ERCC6: variants seen among roughly 807,000 people sequenced by gnomAD.
The protein encoded by ERCC6 is ERCC excision repair 6, chromatin remodeling factor, also known as DNA excision repair protein ERCC-6.
ERCC6 carries 116 observed loss-of-function variants against 158.7 expected under a neutral mutation model. That is an observed-to-expected ratio of 0.73 (90% CI 0.63 to 0.85). The LOEUF is 0.85. Among genes scored for constraint, ERCC6 ranks in the 40% least tolerant of loss-of-function variants. ERCC6 has a pLI of 0.00. For missense variants in ERCC6, 1,698 were observed against 1,799.4 expected (o/e 0.94, Z 1.02); for synonymous variants, 678 against 659.3 (o/e 1.03, Z -0.43).
At chr10:49,531,078 T>C (rs1041035458) in intron 2 of ERCC6, among the ~76,000 whole-genome samples, 1 of 152,220 alleles carries the variant, frequency 6.6e-6, no homozygotes, top group Admixed American at 6.5e-5. Context: ...TCATTCCCAT[T>C]TGTAAGCTGC....
intron 18 of ERCC6, among the ~76,000 whole-genome samples, chr10:49,469,247 G>A (rs748127078): frequency 6.6e-6 from 1 of 152,146 alleles, no homozygotes; most frequent in Non-Finnish European, 1.5e-5. Flanking sequence ...CCTTAGCATT[G>A]AGAAACCTGG....
At chr10:49,453,484 A>G (rs879615884), downstream of ERCC6, among the ~76,000 whole-genome samples, 1 of 152,196 alleles carries the variant, frequency 6.6e-6, no homozygotes, top group African/African-American at 2.4e-5. Context: ...TGTTACATAT[A>G]TGACATTTCT....
chr10:49,531,068 T>C (rs1215089116), intron 2 of ERCC6, among the ~76,000 whole-genome samples: 1 of 152,200 alleles, frequency 6.6e-6, no homozygotes, highest in African/African-American at 2.4e-5. Context: ...TTAGATCAGC[T>C]CATTCCCATT....
intron 4 of ERCC6, among the ~76,000 whole-genome samples, chr10:49,527,603 A>G (rs1480015702): frequency 6.6e-6 from 1 of 152,192 alleles, no homozygotes; most frequent in Non-Finnish European, 1.5e-5. Context: ...TGAACCCGGG[A>G]GGCAGAGGTT....
intron 18 of ERCC6, among the ~76,000 whole-genome samples, chr10:49,462,672 A>G (rs955177039): frequency 6.6e-6 from 1 of 152,206 alleles, no homozygotes; most frequent in Non-Finnish European, 1.5e-5. Flanking sequence ...AAAAGACATG[A>G]ACAGACAAGT....
At chr10:49,461,952 T>A (rs763065346) in intron 18 of ERCC6, among the ~76,000 whole-genome samples, 2 of 152,178 alleles carry the variant, frequency 1.3e-5, no homozygotes, top group African/African-American at 4.8e-5. Flanking sequence ...TGCATTTGAG[T>A]AGAATGACTC....
At chr10:49,507,509 G>A (rs925871166) in intron 5 of ERCC6, among the ~76,000 whole-genome samples, 39 of 151,906 alleles carry the variant, frequency 2.6e-4, no homozygotes, top group Non-Finnish European at 2.1e-4. Flanking sequence ...CTTCTCCACT[G>A]GTATTTTTTT....
chr10:49,470,071 T>C (rs1850745060), intron 18 of ERCC6, 111 bp downstream of exon 18: 1 of 954,682 alleles, frequency 1.0e-6, no homozygotes, highest in African/African-American at 1.6e-5. Flanking sequence ...AGAAAAACAC[T>C]AATGGCTGAC....
At position 49,539,106 on chromosome 10, in the gene ERCC6, C is replaced by G. The variant is rs1385277048; in HGVS notation, c.-159G>C. On this transcript the variant is annotated 5_prime_UTR_variant, in exon 1 of 21. Coordinates refer to ENST00000355832, the MANE Select transcript of ERCC6 (RefSeq NM_000124.4). Reference sequence around the variant, plus strand: ...ACAGCGACTCCGACTTCTGCTGGTGCGGGGAGGCCCGTGGCGCATGCGCCT... The same window carrying G: ...ACAGCGACTCCGACTTCTGCTGGTGGGGGGAGGCCCGTGGCGCATGCGCCT... The G allele has an allele frequency of 6.6e-6, 1 of 152,352 alleles. No individual in the cohort carries two copies. The highest frequency in any genetic ancestry group is 6.5e-5 in the Admixed American group (1 of 15,292). The allele number at this position is 152,352 out of a possible 1,614,324, so 9.4% of individuals were successfully genotyped here.
intron 18 of ERCC6, among the ~76,000 whole-genome samples, chr10:49,466,402 C>A (rs925824185): frequency 2.6e-5 from 4 of 152,188 alleles, no homozygotes; most frequent in African/African-American, 9.6e-5. Flanking sequence ...AAGCTACAAA[C>A]ATGGAAAGGG....
At position 49,515,535 on chromosome 10, in the gene ERCC6, T is replaced by C. The variant is rs777489340; in HGVS notation, c.1397+8498A>G. 1.2e-5 allele frequency: 19 copies of C among 1,614,046 alleles called. No individual in the cohort carries two copies. The East Asian group carries it at 3.6e-4, about 30-fold the overall frequency. ...TTGGCCAGGTTCTGGAGGATGACCA[T>C]GGGTCTCCAGATAATGGCATACCAC... On this transcript the variant is annotated intron_variant, in intron 5 of 20. Coordinates refer to ENST00000355832, the MANE Select transcript of ERCC6 (RefSeq NM_000124.4).
intron 8 of ERCC6, among the ~76,000 whole-genome samples, chr10:49,484,665 AG>A (rs989729652): frequency 6.6e-5 from 10 of 152,106 alleles, no homozygotes; most frequent in Admixed American, 6.5e-4. Context: ...CCTTGAGCTC[AG>A]GAGTTAGAGT....
At chr10:49,499,884 T>C (rs1355179958) in intron 7 of ERCC6, among the ~76,000 whole-genome samples, 1 of 151,996 alleles carries the variant, frequency 6.6e-6, no homozygotes, top group Non-Finnish European at 1.5e-5. Flanking sequence ...TCTACCATTT[T>C]AGGTAGTCAC....
intron 5 of ERCC6, among the ~76,000 whole-genome samples, chr10:49,520,453 C>T (rs561439767): frequency 1.3e-5 from 2 of 152,270 alleles, no homozygotes; most frequent in African/African-American, 4.8e-5. Flanking sequence ...TAACCCTAGT[C>T]CTGCCAGCAA....
At chr10:49,479,832 C>T (rs186637963) in intron 10 of ERCC6, among the ~76,000 whole-genome samples, 39 of 152,280 alleles carry the variant, frequency 2.6e-4, no homozygotes, top group Admixed American at 1.5e-3. Context: ...TTCTGTTTCA[C>T]TCCCAACTGG....
At chr10:49,487,378 C>T (rs1273343337) in intron 8 of ERCC6, among the ~76,000 whole-genome samples, 1 of 152,134 alleles carries the variant, frequency 6.6e-6, no homozygotes, top group Non-Finnish European at 1.5e-5. Flanking sequence ...TGCACAATAC[C>T]ATATTGAAGG....
intron 10 of ERCC6, among the ~76,000 whole-genome samples, chr10:49,480,027 G>A (rs953141056): frequency 5.3e-5 from 8 of 152,178 alleles, no homozygotes; most frequent in African/African-American, 1.9e-4. Flanking sequence ...CAAGTCACCA[G>A]AACGCTGAGA....
chr10:49,454,445 G>A (rs1850454640), downstream of ERCC6, among the ~76,000 whole-genome samples: 2 of 152,152 alleles, frequency 1.3e-5, no homozygotes, highest in South Asian at 4.1e-4. Flanking sequence ...TGGCTGAAAT[G>A]TCTGACTCAC....
At chr10:49,488,426 G>T (rs1170145828) in intron 8 of ERCC6, 1 of 152,054 alleles carries the variant, frequency 6.6e-6, no homozygotes, top group Non-Finnish European at 1.5e-5. Flanking sequence ...TAATAAACAA[G>T]GATTTGTGCT....
Sources: allele counts gnomAD v4.1 joint callset (sites outside exome capture counted in the v4.1 genomes callset), GRCh38; gene constraint gnomAD v4.1.1; transcripts MANE v1.5; gene names NCBI Gene and HGNC (gene_info 2026-07-23, HGNC 2026-07-21).